Variants in ECPAS observed in about 807,000 individuals in gnomAD.
ECPAS encodes the protein Ecm29 proteasome adaptor and scaffold.
Under a neutral mutation model 255.1 loss-of-function variants are expected in ECPAS, and 70 were observed. The ratio of observed to expected loss-of-function variants is 0.27; its 90% CI spans 0.23 to 0.33. The LOEUF is 0.33. Ranked by LOEUF, ECPAS falls within the 10% of genes least tolerant of loss-of-function variation. The probability of loss-of-function intolerance (pLI) is 1.00; values close to 1 mark genes in which losing one functional copy is unlikely to be tolerated. For synonymous variants in ECPAS, 784 were observed against 775.0 expected, an observed-to-expected ratio of 1.01 and a Z score of -0.19; for missense variants, 1,817 against 2,206.4, an observed-to-expected ratio of 0.82 and a Z score of 3.54.
At chr9:111,456,863 G>GTCCA (rs1480095009) in intron 2 of ECPAS, among the ~76,000 whole-genome samples, 1 of 152,150 alleles carries the variant, frequency 6.6e-6, no homozygotes, top group Non-Finnish European at 1.5e-5. Flanking sequence ...CATGGATGTT[G>GTCCA]TCCAGGCTTA....
In ECPAS at chr9:111,398,946, A is replaced by T. The variant is rs58345643; in HGVS notation, c.2653-1793T>A. 6.5e-3 allele frequency among the ~76,000 whole-genome samples: 992 copies of T among 152,286 alleles called. 9 individuals carry two copies. The highest frequency in any genetic ancestry group is 0.023 in the African/African-American group (957 of 41,560). On this transcript the variant is annotated intron_variant, in intron 24 of 49. Coordinates refer to ENST00000684092, the MANE Select transcript of ECPAS (RefSeq NM_001364929.1). ...AGTGAGACTCCGTCTCAAAAAAAAA[A>T]AGAATGAATGAGACCTACTACTCTT...
chr9:111,483,213 G>C (rs918649058), intron 1 of ECPAS, among the ~76,000 whole-genome samples: 1 of 151,966 alleles, frequency 6.6e-6, no homozygotes, highest in Non-Finnish European at 1.5e-5. Flanking sequence ...GTGGGCAGGG[G>C]GCTGGGCTCC....
At chr9:111,434,497 ATGTAT>A (rs1301165085) in intron 7 of ECPAS, among the ~76,000 whole-genome samples, 2 of 152,206 alleles carry the variant, frequency 1.3e-5, no homozygotes, top group African/African-American at 4.8e-5. Context: ...ACAAGTAGAA[ATGTAT>A]TGTTTAAAAC....
rs771080443 is a variant in ECPAS, at chr9:111,369,106, A to G, written c.5042T>C (p.Leu1681Pro). ...GGCACCCAGCAGATATTCCAGCTGG[A>G]GCTCCTTTTCCTTTTCATTCTCCTC... ...NEEENEKEKE[L>P]QLEYLLGAFE... The change falls in exon 46 of 50, where the codon CTC becomes CCC. Residue 1681 changes from leucine to proline, a missense_variant. Transcript: ENST00000684092. 3.1e-6 allele frequency: 5 copies of G among 1,607,566 alleles called. No homozygotes were observed. The highest frequency in any genetic ancestry group is 4.2e-6 in the Non-Finnish European group (5 of 1,177,532).
At chr9:111,368,974 T>G in intron 46 of ECPAS, 61 bp downstream of exon 46, 1 of 1,397,648 alleles carries the variant, frequency 7.2e-7, no homozygotes, top group Non-Finnish European at 9.5e-7. Context: ...TAGAGAAAAT[T>G]CTTCGCTCTC....
At chr9:111,482,007 T>C (rs1316923377) in intron 1 of ECPAS, among the ~76,000 whole-genome samples, 1 of 152,224 alleles carries the variant, frequency 6.6e-6, no homozygotes, top group Non-Finnish European at 1.5e-5. Flanking sequence ...CGAAGAGTTC[T>C]GGAAATGGAT....
Position 111,451,459 on chromosome 9 carries a change from T to C in ECPAS, c.119A>G (p.Lys40Arg). 1 of 1,575,086 alleles carries C rather than the reference T, an allele frequency of 6.3e-7. No homozygotes were observed. Among genetic ancestry groups the C allele is most frequent in the African/African-American group, 1.4e-5 (1 of 73,950 alleles). ...TACTCCTTCTTGGGTGCTAGAGAGT[T>C]TGAGCAAAACAGGAGGAAGGAATTT... ...ISKFLPPVLL[K>R]LSSTQEGVRK... The change falls in exon 3 of 50, where the codon AAA becomes AGA. Residue 40 changes from lysine to arginine, a missense_variant. By Grantham distance (26) the Lys-to-Arg change is conservative. This residue lies in a region of ECPAS where 90 missense variants were observed against 158.5 expected (regional missense o/e 0.57). Coordinates refer to ENST00000684092, the MANE Select transcript of ECPAS (RefSeq NM_001364929.1).
At position 111,392,860 on chromosome 9, in the gene ECPAS, T is replaced by G; in HGVS notation, c.3000A>C (p.Ser1000=). ...GTTCATAAACCAACCCAAGGCCCTT[T>G]GATGCAACATCTTGGCTAAGTTCTA... ...ENDELSQDVA[S]KGLGLVYELG... Residue 1000 remains serine, a synonymous_variant, in exon 28 of 50, where the codon TCA becomes TCC. Transcript: ENST00000684092. 1 of 1,612,250 alleles carries G rather than the reference T, an allele frequency of 6.2e-7. No homozygotes were observed. The highest frequency in any genetic ancestry group is 8.5e-7 in the Non-Finnish European group (1 of 1,179,148).
intron 2 of ECPAS, among the ~76,000 whole-genome samples, chr9:111,469,342 G>A (rs1370136158): frequency 6.6e-6 from 1 of 152,050 alleles, no homozygotes; most frequent in Non-Finnish European, 1.5e-5. Context: ...AGACCAGCCC[G>A]GCCAACATGG....
intron 15 of ECPAS, 46 bp downstream of exon 15, chr9:111,421,875 A>T (rs1158170351): frequency 1.3e-6 from 2 of 1,581,926 alleles, no homozygotes; most frequent in East Asian, 2.2e-5. Flanking sequence ...GTTCTTAAAA[A>T]TGTAAACCGT....
rs2098136760 is a variant in ECPAS, at chr9:111,378,817, CA to C, written c.3804-88del. On this transcript the variant is annotated intron_variant, in intron 35 of 49. Coordinates refer to ENST00000684092, the MANE Select transcript of ECPAS (RefSeq NM_001364929.1). ...CTAACCATGAGGATGTTCTGCAGTT[CA>C]CTGCATTAAAGCATATTTTCACATG... 2.6e-5 allele frequency: 34 copies of C among 1,290,782 alleles called. No individual in the cohort carries two copies. The South Asian group carries it at 5.6e-4, about 21-fold the overall frequency. 80.0% of individuals were successfully genotyped at this position (1,290,782 alleles called of 1,614,324 possible).
At chr9:111,470,257 T>C (rs2098285425) in intron 2 of ECPAS, among the ~76,000 whole-genome samples, 1 of 151,900 alleles carries the variant, frequency 6.6e-6, no homozygotes, top group African/African-American at 2.4e-5. Flanking sequence ...TGCATCTGGA[T>C]CTACTACAGG....
rs2098206724 is a variant in ECPAS, at chr9:111,417,917, G to A, written c.1649C>T (p.Ser550Phe). The change falls in exon 17 of 50, where the codon TCC becomes TTC. Residue 550 changes from serine (S) to phenylalanine (F), a missense_variant. Transcript: ENST00000684092. The stretch of plus-strand genomic sequence containing the variant: ...GATGTAATAAACCATTTCTGGGAAG[G>A]AAGGCATCTGCTCAGAAGTACTTTC... ...RKESTSEQMP[S>F]FPEMVYYIQE... is the part of the protein sequence containing the mutation. 6.3e-7 allele frequency: 1 copy of A among 1,584,540 alleles called. No individual in the cohort carries two copies. The highest frequency in any genetic ancestry group is 8.6e-7 in the Non-Finnish European group (1 of 1,164,054).
intron 11 of ECPAS, 43 bp downstream of exon 11, chr9:111,425,700 C>T: frequency 8.4e-7 from 1 of 1,191,088 alleles, no homozygotes; most frequent in East Asian, 2.4e-5. Context: ...TCAATCATTC[C>T]AGCAGCTTGA....
chr9:111,476,736 C>A (rs1011988215), intron 1 of ECPAS, among the ~76,000 whole-genome samples: 10 of 152,208 alleles, frequency 6.6e-5, no homozygotes, highest in Admixed American at 3.3e-4. Context: ...AATCTTGGCT[C>A]ACTGCAATCT....
At chr9:111,412,979 T>C (rs1007199264) in intron 20 of ECPAS, among the ~76,000 whole-genome samples, 1 of 152,234 alleles carries the variant, frequency 6.6e-6, no homozygotes, top group Admixed American at 6.5e-5. Flanking sequence ...ATTCATTATT[T>C]ATCTGAAATT....
chr9:111,367,591 G>C (rs1416415460), intron 46 of ECPAS, among the ~76,000 whole-genome samples: 1 of 152,016 alleles, frequency 6.6e-6, no homozygotes, highest in Non-Finnish European at 1.5e-5. Context: ...ATAATATTAA[G>C]AAATAAAACC....
At chr9:111,444,632 C>T (rs2098250391) in intron 3 of ECPAS, 138 bp from the exon 4 acceptor site, 2 of 633,760 alleles carry the variant, frequency 3.2e-6, no homozygotes, top group Non-Finnish European at 5.6e-6. Context: ...AATTTTACAT[C>T]CCAGAAAGGG....
chr9:111,366,119 G>A (rs2098120082), intron 48 of ECPAS, 120 bp downstream of exon 48: 1 of 647,208 alleles, frequency 1.5e-6, no homozygotes, highest in Non-Finnish European at 2.7e-6. Flanking sequence ...ATAATAAGTA[G>A]CAGAGTCCAG....
Sources: gnomAD v4.1 joint callset for allele counts (sites outside exome capture counted in the v4.1 genomes callset) on GRCh38, gnomAD v4.1.1 for gene constraint, gnomAD v4.1.1 regional missense constraint, MANE v1.5 for transcripts, NCBI Gene and HGNC (gene_info 2026-07-23, HGNC 2026-07-21) for gene names.